AKAP7: variants seen among roughly 807,000 people sequenced by gnomAD.
AKAP7 encodes the protein A-kinase anchoring protein 7, also known as A kinase (PRKA) anchor protein 7.
A neutral mutation model predicts 39.5 loss-of-function variants in AKAP7; 39 were observed. The ratio of observed to expected loss-of-function variants is 0.99; its 90% CI spans 0.76 to 1.29. The LOEUF (loss-of-function observed/expected upper bound fraction) is 1.29, where lower values mean the gene tolerates loss of function less well. Ranked by LOEUF, AKAP7 falls within the 50% of genes most tolerant of loss-of-function variation. The pLI, the probability that AKAP7 is intolerant of heterozygous loss-of-function variation, is 0.00. For synonymous variants in AKAP7, 140 were observed against 139.1 expected (o/e 1.01, Z -0.05); for missense variants, 414 against 407.7 (o/e 1.02, Z -0.13).
At chr6:131,212,195 TTAAAG>T (rs1808732319) in intron 6 of AKAP7, among the ~76,000 whole-genome samples, 2 of 152,334 alleles carry the variant, frequency 1.3e-5, no homozygotes, top group South Asian at 4.1e-4. Flanking sequence ...GATCTGTATT[TTAAAG>T]TAAACAAGGG....
intron 7 of AKAP7, among the ~76,000 whole-genome samples, chr6:131,273,964 G>T (rs1397783250): frequency 1.9e-4 from 28 of 148,296 alleles, no homozygotes; most frequent in African/African-American, 6.9e-4. Flanking sequence ...TTTTGAGATG[G>T]AGTCTCGCAC....
intron 3 of AKAP7, 33 bp from the exon 4 acceptor site, chr6:131,165,048 G>C (rs1803347157): frequency 2.0e-6 from 3 of 1,493,444 alleles, no homozygotes; most frequent in Non-Finnish European, 2.7e-6. Context: ...CTAATCACTG[G>C]AATTTTTTTT....
chr6:131,259,803 A>T (rs1056539033), intron 7 of AKAP7, among the ~76,000 whole-genome samples: 6 of 152,146 alleles, frequency 3.9e-5, no homozygotes, highest in Non-Finnish European at 8.8e-5. Flanking sequence ...AAATTTTTTT[A>T]AATTTTATTT....
Position 131,281,402 on chromosome 6 carries a change from C to T in AKAP7, c.851-128C>T, listed in dbSNP as rs568964933. 18 of 685,354 alleles carry T rather than the reference C, an allele frequency of 2.6e-5. No individual in the cohort carries two copies. The highest frequency in any genetic ancestry group is 1.8e-4 in the Admixed American group (5 of 27,110). 42.5% of individuals were successfully genotyped at this position (685,354 alleles called of 1,614,324 possible). A position where few individuals can be genotyped will look rare whatever the true frequency, so the allele number is the denominator to read the frequency against. ...AAATACCAAATGAAAAGCCAACCCA[C>T]TGTTCTTGAATTTATAGATCCAATT... On this transcript the variant is annotated intron_variant, in intron 7 of 7. Transcript: ENST00000431975. This position sits in a 1 kb window ranked among gnomAD's most constrained non-coding sequence, Gnocchi z 4.0.
chr6:131,160,007 T>C, intron 2 of AKAP7, 52 bp from the exon 3 acceptor site: 1 of 1,444,310 alleles, frequency 6.9e-7, no homozygotes, highest in Non-Finnish European at 9.3e-7. Context: ...TTTCTGACTG[T>C]ATTATCTTTG....
intron 7 of AKAP7, among the ~76,000 whole-genome samples, chr6:131,270,776 G>C (rs1004380541): frequency 2.6e-5 from 4 of 152,174 alleles, no homozygotes; most frequent in African/African-American, 9.7e-5. Context: ...TGTTGGGTGA[G>C]TAGTAGTATC....
intron 5 of AKAP7, among the ~76,000 whole-genome samples, chr6:131,179,355 G>A (rs1804893742): frequency 6.6e-6 from 1 of 152,046 alleles, no homozygotes; most frequent in Admixed American, 6.5e-5. Context: ...TGTGTTTATA[G>A]TAGAGACGGA....
At chr6:131,147,743 C>T (rs766336618) in intron 2 of AKAP7, among the ~76,000 whole-genome samples, 4 of 152,222 alleles carry the variant, frequency 2.6e-5, no homozygotes, top group Non-Finnish European at 2.9e-5. Flanking sequence ...CTCACTCACC[C>T]GCGTTCTCCC....
intron 7 of AKAP7, among the ~76,000 whole-genome samples, chr6:131,248,845 A>G (rs533235156): frequency 6.6e-6 from 1 of 152,268 alleles, no homozygotes; most frequent in African/African-American, 2.4e-5. Context: ...TAAAACATAC[A>G]CCTGTATTCA....
intron 2 of AKAP7, among the ~76,000 whole-genome samples, chr6:131,150,423 G>A (rs1056755560): frequency 6.6e-6 from 1 of 151,932 alleles, no homozygotes; most frequent in Non-Finnish European, 1.5e-5. Context: ...AATAAAGATC[G>A]AATCTTTGTA....
At chr6:131,192,276 G>A (rs1007282409) in intron 5 of AKAP7, among the ~76,000 whole-genome samples, 1 of 152,166 alleles carries the variant, frequency 6.6e-6, no homozygotes, top group African/African-American at 2.4e-5. Flanking sequence ...TGTGGTGAGA[G>A]ATAGGTGTCT....
At chr6:131,127,883 G>C in the AKAP7 span, among the ~76,000 whole-genome samples, 1 of 152,230 alleles carries the variant, frequency 6.6e-6, no homozygotes, top group Non-Finnish European at 1.5e-5. Flanking sequence ...CAGGAATATG[G>C]ATGGAGCTGG....
At chr6:131,139,448 G>A (rs550581840) in intron 1 of AKAP7, among the ~76,000 whole-genome samples, 1 of 152,166 alleles carries the variant, frequency 6.6e-6, no homozygotes, top group Non-Finnish European at 1.5e-5. Context: ...TGTTGAACAA[G>A]TTATATTATG....
intron 5 of AKAP7, chr6:131,184,622 C>T: frequency 1.3e-6 from 1 of 751,078 alleles, no homozygotes; most frequent in Non-Finnish European, 2.5e-6. Context: ...AAACAGGACA[C>T]CACCTCCTCA....
At chr6:131,206,866 C>G (rs1808155450) in intron 6 of AKAP7, among the ~76,000 whole-genome samples, 1 of 152,134 alleles carries the variant, frequency 6.6e-6, no homozygotes. Context: ...GACTGCCACT[C>G]ACTTTTGGGG....
chr6:131,270,548 G>A (rs777544523), intron 7 of AKAP7, among the ~76,000 whole-genome samples: 1 of 152,210 alleles, frequency 6.6e-6, no homozygotes, highest in Non-Finnish European at 1.5e-5. Context: ...GTGTTTATGT[G>A]AGTATATGCT....
intron 5 of AKAP7, among the ~76,000 whole-genome samples, chr6:131,193,328 A>G (rs1190796): frequency 0.29 from 44,174 of 152,042 alleles, 7,054 homozygotes; most frequent in Non-Finnish European, 0.36. Flanking sequence ...ATCAATTGAA[A>G]TGATCATATG....
chr6:131,219,830 TTTA>T, intron 7 of AKAP7, 22 bp downstream of exon 7: 1 of 1,408,936 alleles, frequency 7.1e-7, no homozygotes, highest in Non-Finnish European at 9.4e-7. Context: ...TTAAAAATTA[TTTA>T]TTATCTTTAT....
chr6:131,132,211 G>A (rs1434010071), upstream of AKAP7, among the ~76,000 whole-genome samples: 1 of 151,926 alleles, frequency 6.6e-6, no homozygotes, highest in African/African-American at 2.4e-5. Flanking sequence ...TACTCGGGAA[G>A]TAGAGCAGGG....
Sources: gnomAD v4.1 joint callset for allele counts (sites outside exome capture counted in the v4.1 genomes callset) on GRCh38, gnomAD v4.1.1 for gene constraint, Gnocchi (gnomAD v3.1) non-coding constraint, MANE v1.5 for transcripts, NCBI Gene and HGNC (gene_info 2026-07-23, HGNC 2026-07-21) for gene names.